Variants in KCNH1 observed in about 807,000 individuals in gnomAD.
The protein encoded by KCNH1 is potassium voltage-gated channel subfamily H member 1.
In KCNH1, 27 loss-of-function variants were observed where a neutral mutation model predicts 69.2. The observed-to-expected ratio is 0.39, with a 90% CI of 0.29 to 0.54. The LOEUF is 0.54. KCNH1 is among the 20% of genes least tolerant of loss of function. The pLI, the probability that KCNH1 is intolerant of heterozygous loss-of-function variation, is 0.68. For missense variants in KCNH1, 798 were observed against 1,261.6 expected (o/e 0.63, Z 5.57); for synonymous variants, 456 against 487.7 (o/e 0.93, Z 0.86).
intron 6 of KCNH1, among the ~76,000 whole-genome samples, chr1:211,015,727 A>T (rs1231193288): frequency 6.6e-6 from 1 of 152,232 alleles, no homozygotes; most frequent in Non-Finnish European, 1.5e-5. Flanking sequence ...CAAGATGTAG[A>T]TAGGAAAACC....
At chr1:211,087,553 A>G (rs943747089) in intron 4 of KCNH1, among the ~76,000 whole-genome samples, 13 of 151,956 alleles carry the variant, frequency 8.6e-5, no homozygotes, top group Admixed American at 2.0e-4. Flanking sequence ...AGCATCACAG[A>G]TTCTCATTTT....
At chr1:210,951,988 T>C (rs1688070892) in intron 6 of KCNH1, among the ~76,000 whole-genome samples, 2 of 152,170 alleles carry the variant, frequency 1.3e-5, no homozygotes, top group African/African-American at 4.8e-5. Flanking sequence ...AGCCACTCTT[T>C]GTCACTCCCT....
intron 10 of KCNH1, among the ~76,000 whole-genome samples, chr1:210,753,909 A>ATTTT (rs397982788): frequency 5.7e-5 from 8 of 140,898 alleles, no homozygotes; most frequent in Non-Finnish European, 9.2e-5. Flanking sequence ...TATCAGACTA[A>ATTTT]TTTTTTTTTT....
At chr1:210,711,329 G>C (rs777534898) in intron 10 of KCNH1, among the ~76,000 whole-genome samples, 1 of 152,212 alleles carries the variant, frequency 6.6e-6, no homozygotes, top group East Asian at 1.9e-4. Flanking sequence ...TTCAGGGGCT[G>C]TTACTCTCTT....
At chr1:210,959,381 C>T (rs1225808244) in intron 6 of KCNH1, among the ~76,000 whole-genome samples, 5 of 152,188 alleles carry the variant, frequency 3.3e-5, no homozygotes, top group Admixed American at 2.6e-4. Flanking sequence ...GCCAGGGACC[C>T]ACTTGAGGAG....
chr1:210,810,034 C>T (rs900248643), intron 7 of KCNH1, among the ~76,000 whole-genome samples: 1 of 152,110 alleles, frequency 6.6e-6, no homozygotes, highest in Non-Finnish European at 1.5e-5. Flanking sequence ...CCCCTTATTC[C>T]TGCATCTCCT....
chr1:210,797,393 C>T, intron 9 of KCNH1, 115 bp downstream of exon 9: 1 of 1,111,270 alleles, frequency 9.0e-7, no homozygotes, highest in Non-Finnish European at 1.3e-6. Flanking sequence ...TGAATATTAG[C>T]AATTGGCCCT....
At chr1:210,817,687 A>G (rs1251285936) in intron 7 of KCNH1, among the ~76,000 whole-genome samples, 1 of 152,186 alleles carries the variant, frequency 6.6e-6, no homozygotes, top group Non-Finnish European at 1.5e-5. Flanking sequence ...TAGCAGGCCT[A>G]TGAGATAGGG....
At chr1:211,057,139 G>C (rs994578099) in intron 5 of KCNH1, among the ~76,000 whole-genome samples, 2 of 152,124 alleles carry the variant, frequency 1.3e-5, no homozygotes, top group Non-Finnish European at 2.9e-5. Flanking sequence ...ATAACATAGA[G>C]AAAGAATTTA....
At chr1:210,922,683 C>T (rs925614809) in intron 6 of KCNH1, among the ~76,000 whole-genome samples, 1 of 152,128 alleles carries the variant, frequency 6.6e-6, no homozygotes, top group Admixed American at 6.5e-5. Context: ...ATCCCTTATA[C>T]TAAGGTACAA....
intron 6 of KCNH1, among the ~76,000 whole-genome samples, chr1:210,994,844 G>A (rs1012071806): frequency 2.0e-5 from 3 of 152,158 alleles, no homozygotes; most frequent in South Asian, 2.1e-4. Context: ...ATGACTGTTA[G>A]AGTAGACTTG....
At chr1:210,760,362 C>A (rs570400436) in intron 10 of KCNH1, among the ~76,000 whole-genome samples, 1 of 152,272 alleles carries the variant, frequency 6.6e-6, no homozygotes, top group South Asian at 2.1e-4. Flanking sequence ...AGAAACCTTG[C>A]CAGCCAGAAG....
At chr1:210,780,800 C>T (rs1224474978) in intron 9 of KCNH1, among the ~76,000 whole-genome samples, 1 of 152,184 alleles carries the variant, frequency 6.6e-6, no homozygotes, top group Non-Finnish European at 1.5e-5. Context: ...GTAATCCCAG[C>T]ACTTTGGGAG....
intron 7 of KCNH1, among the ~76,000 whole-genome samples, chr1:210,850,696 GAC>G (rs1304504906): frequency 1.3e-5 from 2 of 152,132 alleles, no homozygotes; most frequent in African/African-American, 4.8e-5. Flanking sequence ...GCTCAGGCCT[GAC>G]ACAGCAGTCT....
intron 7 of KCNH1, among the ~76,000 whole-genome samples, chr1:210,821,726 T>G (rs1038858692): frequency 4.6e-5 from 7 of 152,262 alleles, no homozygotes; most frequent in African/African-American, 1.7e-4. Context: ...TCTTTGGAAA[T>G]TGAAGCTGTA....
At chr1:210,994,108 C>T (rs534172896) in intron 6 of KCNH1, among the ~76,000 whole-genome samples, 1 of 152,292 alleles carries the variant, frequency 6.6e-6, no homozygotes, top group Non-Finnish European at 1.5e-5. Context: ...AAATTGCTGA[C>T]ATTCTGACAT....
intron 6 of KCNH1, among the ~76,000 whole-genome samples, chr1:210,992,336 T>C (rs1688952607): frequency 6.6e-6 from 1 of 152,200 alleles, no homozygotes; most frequent in Non-Finnish European, 1.5e-5. Flanking sequence ...CACCTGATGA[T>C]TCTATCTGCC....
At chr1:211,012,428 C>A (rs1689410637) in intron 6 of KCNH1, among the ~76,000 whole-genome samples, 1 of 152,084 alleles carries the variant, frequency 6.6e-6, no homozygotes, top group African/African-American at 2.4e-5. Flanking sequence ...CTAAATAAAT[C>A]ATGGTACATC....
In KCNH1 at chr1:211,116,374, C is replaced by G. The variant is rs535594227; in HGVS notation, c.80-8997G>C. On this transcript the variant is annotated intron_variant, in intron 1 of 10. Coordinates refer to ENST00000271751, the MANE Select transcript of KCNH1 (RefSeq NM_172362.3). ...TTTAATGGAATCAGCAGAGCCACAA[C>G]TTGCAAATTTTCAATGCCCTCACAG... 9.2e-5 allele frequency among the ~76,000 whole-genome samples: 14 copies of G among 152,294 alleles called. 1 individual carries two copies. In the East Asian group the frequency reaches 2.7e-3, roughly 29 times the overall value.
Sources: allele counts gnomAD v4.1 joint callset (sites outside exome capture counted in the v4.1 genomes callset), GRCh38; gene constraint gnomAD v4.1.1; transcripts MANE v1.5; gene names NCBI Gene and HGNC (gene_info 2026-07-23, HGNC 2026-07-21).